Variants in PBLD observed in about 807,000 individuals in gnomAD.
PBLD encodes phenazine biosynthesis-like domain-containing protein.
In PBLD, 26 loss-of-function variants were observed where a neutral mutation model predicts 31.3. The observed-to-expected ratio is 0.83, with a 90% CI of 0.61 to 1.15. The LOEUF is 1.15. Ranked by LOEUF, PBLD falls within the 50% of genes most tolerant of loss-of-function variation. The probability of loss-of-function intolerance (pLI) is 0.00; values close to 1 mark genes in which losing one functional copy is unlikely to be tolerated. For missense variants in PBLD, 307 were observed against 351.7 expected (o/e 0.87, Z 1.02); for synonymous variants, 114 against 129.0 (o/e 0.88, Z 0.79).
At chr10:68,289,694 T>A (rs4746753) in intron 6 of PBLD, among the ~76,000 whole-genome samples, 1 of 146,370 alleles carries the variant, frequency 6.8e-6, no homozygotes, top group Admixed American at 6.9e-5. Flanking sequence ...CACACACACA[T>A]ATCTTGACCC....
intron 1 of PBLD, among the ~76,000 whole-genome samples, chr10:68,327,409 G>A (rs1349401822): frequency 4.6e-5 from 7 of 151,920 alleles, no homozygotes; most frequent in Admixed American, 3.9e-4. Context: ...GCTGGGCGCT[G>A]TGGCTCACGC....
intron 1 of PBLD, chr10:68,331,827 G>T (rs1004549819): frequency 1.3e-5 from 2 of 152,366 alleles, no homozygotes; most frequent in Admixed American, 1.3e-4. Flanking sequence ...CTGAAAACTG[G>T]ATGGTTCTAA....
At chr10:68,301,579 G>A (rs10998058) in intron 2 of PBLD, among the ~76,000 whole-genome samples, 43,503 of 152,136 alleles carry the variant, frequency 0.29, 7,153 homozygotes, top group Middle Eastern at 0.42. Flanking sequence ...TGGCCTTCCT[G>A]GACTTGCCTC....
intron 1 of PBLD, among the ~76,000 whole-genome samples, chr10:68,314,598 C>CT (rs966738653): frequency 3.6e-4 from 53 of 145,292 alleles, no homozygotes; most frequent in African/African-American, 6.5e-4. Flanking sequence ...CAAGGTTTGT[C>CT]TTTTTTTTTT....
At position 68,292,088 on chromosome 10, in the gene PBLD, C is replaced by T. The variant is rs921539845; in HGVS notation, c.393+41G>A. The T allele has an allele frequency of 1.1e-5, 17 of 1,598,818 alleles. No homozygotes were observed. In the East Asian group the frequency reaches 1.3e-4, roughly 13 times the overall value. Reference sequence around the variant, plus strand: ...AATTATTATAAAACAGGAGAGCTGTCGGTTGTAGATGGCTTAGGGCAATAA... The same window carrying T: ...AATTATTATAAAACAGGAGAGCTGTTGGTTGTAGATGGCTTAGGGCAATAA... On this transcript the variant is annotated intron_variant, in intron 5 of 9. Transcript: ENST00000358769.
At chr10:68,330,709 C>CGTGTGT (rs56166847) in intron 1 of PBLD, among the ~76,000 whole-genome samples, 1,849 of 142,870 alleles carry the variant, frequency 0.013, 26 homozygotes, top group Non-Finnish European at 0.015. Context: ...CCACGCCCGG[C>CGTGTGT]GTGTGTGTGT....
chr10:68,323,762 T>C (rs2044871520), intron 1 of PBLD, among the ~76,000 whole-genome samples: 1 of 152,186 alleles, frequency 6.6e-6, no homozygotes, highest in African/African-American at 2.4e-5. Context: ...ACAAAAACAC[T>C]GGGATAATTT....
intron 2 of PBLD, among the ~76,000 whole-genome samples, chr10:68,304,788 A>T (rs1328171112): frequency 2.0e-5 from 3 of 152,212 alleles, no homozygotes; most frequent in African/African-American, 4.8e-5. Flanking sequence ...TTTGACAAGC[A>T]GTTATAGTCA....
At chr10:68,296,088 A>G (rs964948308) in intron 4 of PBLD, 178 bp downstream of exon 4, 8 of 454,290 alleles carry the variant, frequency 1.8e-5, no homozygotes, top group Non-Finnish European at 2.8e-5. Context: ...CATACTCAGA[A>G]AGGCCAAAGT....
At chr10:68,330,020 T>A (rs964491010) in intron 1 of PBLD, among the ~76,000 whole-genome samples, 2 of 151,956 alleles carry the variant, frequency 1.3e-5, no homozygotes, top group Admixed American at 6.6e-5. Context: ...AGTGTGTAGC[T>A]TATGCTACAC....
chr10:68,299,106 C>CAAA (rs35915509), intron 2 of PBLD, among the ~76,000 whole-genome samples: 1,542 of 75,352 alleles, frequency 0.02, 106 homozygotes, highest in Middle Eastern at 0.045. Flanking sequence ...GAGTCCGTCT[C>CAAA]AAAAAAAAAA....
intron 4 of PBLD, among the ~76,000 whole-genome samples, chr10:68,295,159 T>C (rs2134443774): frequency 6.6e-6 from 1 of 152,270 alleles, no homozygotes; most frequent in East Asian, 1.9e-4. Flanking sequence ...AAGGTGAATG[T>C]ATACAGTGGG....
intron 2 of PBLD, among the ~76,000 whole-genome samples, chr10:68,304,189 G>A (rs560909661): frequency 6.6e-5 from 10 of 152,218 alleles, no homozygotes; most frequent in South Asian, 2.1e-4. Flanking sequence ...CCATTTATAC[G>A]TCTATTATAA....
chr10:68,305,218 T>TA (rs939766830), intron 2 of PBLD, among the ~76,000 whole-genome samples: 48 of 147,248 alleles, frequency 3.3e-4, no homozygotes, highest in African/African-American at 1.1e-3. Context: ...TTTTAAAAAA[T>TA]AAAAAACAAC....
chr10:68,296,617 C>T (rs1433254570), intron 3 of PBLD, among the ~76,000 whole-genome samples: 1 of 152,218 alleles, frequency 6.6e-6, no homozygotes, highest in Non-Finnish European at 1.5e-5. Context: ...GCTCTATCTA[C>T]TATCTGCATG....
chr10:68,285,135 T>A lies in PBLD; in HGVS notation c.754+213A>T. 3.7e-6 allele frequency: 5 copies of A among 1,363,642 alleles called. No homozygotes were observed. In the South Asian group the frequency reaches 9.9e-5, roughly 27 times the overall value. 84.5% of individuals were successfully genotyped at this position (1,363,642 alleles called of 1,614,324 possible). On this transcript the variant is annotated intron_variant, in intron 9 of 9. Transcript: ENST00000358769. ...ACACTTATTGGGCAGTTACTGTATC[T>A]GTGTCTGTACAGTCTCTGTATGTTG...
At chr10:68,288,884 TG>T (rs1395998955) in intron 7 of PBLD, 46 bp downstream of exon 7, 2 of 1,525,498 alleles carry the variant, frequency 1.3e-6, no homozygotes, top group African/African-American at 2.7e-5. Flanking sequence ...GCTATAAATC[TG>T]GGTACTCAGC....
intron 9 of PBLD, 124 bp downstream of exon 9, chr10:68,285,224 C>A: frequency 6.4e-7 from 1 of 1,556,514 alleles, no homozygotes; most frequent in Non-Finnish European, 8.7e-7. Flanking sequence ...ATTTTAAAAC[C>A]TTTCATTTTC....
intron 1 of PBLD, among the ~76,000 whole-genome samples, chr10:68,319,981 G>A (rs1056323087): frequency 7.8e-4 from 119 of 151,704 alleles, no homozygotes; most frequent in African/African-American, 2.6e-3. Flanking sequence ...GTGCCATCAC[G>A]CCCGGCTAAT....
Sources: allele counts gnomAD v4.1 joint callset (sites outside exome capture counted in the v4.1 genomes callset), GRCh38; gene constraint gnomAD v4.1.1; transcripts MANE v1.5; gene names NCBI Gene and HGNC (gene_info 2026-07-23, HGNC 2026-07-21).